KCNC2: variants seen among roughly 807,000 people sequenced by gnomAD.
The protein encoded by KCNC2 is voltage-gated potassium channel KCNC2.
KCNC2 carries 21 observed loss-of-function variants against 44.5 expected under a neutral mutation model. The observed-to-expected ratio is 0.47, with a 90% CI of 0.33 to 0.68. The LOEUF (loss-of-function observed/expected upper bound fraction) is 0.68, where lower values mean the gene tolerates loss of function less well. KCNC2 is among the 30% of genes least tolerant of loss of function. The probability of loss-of-function intolerance (pLI) is 0.01; values close to 1 mark genes in which losing one functional copy is unlikely to be tolerated. For synonymous variants in KCNC2, 391 were observed against 339.1 expected (o/e 1.15, Z -1.68); for missense variants, 589 against 826.2 (o/e 0.71, Z 3.52).
At chr12:75,150,395 T>G (rs928980998) in intron 2 of KCNC2, among the ~76,000 whole-genome samples, 1 of 151,836 alleles carries the variant, frequency 6.6e-6, no homozygotes, top group Non-Finnish European at 1.5e-5. Context: ...AGAACCATCA[T>G]CACCACCAGT....
At chr12:75,182,868 T>A (rs755448318) in intron 2 of KCNC2, among the ~76,000 whole-genome samples, 8 of 152,250 alleles carry the variant, frequency 5.3e-5, no homozygotes, top group Non-Finnish European at 1.0e-4. Context: ...AATTCTGCTA[T>A]TCCTAGAGCT....
chr12:75,104,537 T>C (rs924640165), intron 2 of KCNC2, among the ~76,000 whole-genome samples: 1 of 152,024 alleles, frequency 6.6e-6, no homozygotes, highest in African/African-American at 2.4e-5. Context: ...ACAATATTAA[T>C]GAGTATATTC....
intron 2 of KCNC2, among the ~76,000 whole-genome samples, chr12:75,067,335 C>T (rs1882932983): frequency 1.3e-5 from 2 of 152,124 alleles, no homozygotes; most frequent in Non-Finnish European, 2.9e-5. Context: ...GCAGTTCTTC[C>T]TAAAATTTTA....
intron 2 of KCNC2, among the ~76,000 whole-genome samples, chr12:75,199,079 G>A (rs528846941): frequency 2.6e-4 from 40 of 151,874 alleles, no homozygotes; most frequent in African/African-American, 8.4e-4. Flanking sequence ...GCAACCAAAA[G>A]TTGATTACTT....
At chr12:75,164,622 A>T (rs531649528) in intron 2 of KCNC2, among the ~76,000 whole-genome samples, 25 of 151,786 alleles carry the variant, frequency 1.6e-4, no homozygotes, top group Non-Finnish European at 3.1e-4. Flanking sequence ...TAACAAACAC[A>T]TTGAGCATCT....
intron 2 of KCNC2, among the ~76,000 whole-genome samples, chr12:75,106,284 T>G (rs997614205): frequency 1.3e-5 from 2 of 152,140 alleles, no homozygotes; most frequent in Admixed American, 6.5e-5. Context: ...CAAGTAAGAC[T>G]TGGAGGACAG....
chr12:75,130,119 C>T (rs1888723997), intron 2 of KCNC2, among the ~76,000 whole-genome samples: 2 of 151,872 alleles, frequency 1.3e-5, no homozygotes, highest in African/African-American at 4.8e-5. Context: ...TCCTGTACCC[C>T]AATCTAAAAA....
chr12:75,119,257 A>G (rs76910381), intron 2 of KCNC2, among the ~76,000 whole-genome samples: 2,451 of 152,270 alleles, frequency 0.016, 72 homozygotes, highest in African/African-American at 0.055. Context: ...ATATAACAAA[A>G]ACAGCATGCA....
intron 2 of KCNC2, among the ~76,000 whole-genome samples, chr12:75,182,734 G>A (rs1422046497): frequency 2.0e-5 from 3 of 152,080 alleles, no homozygotes; most frequent in African/African-American, 7.2e-5. Flanking sequence ...GTTTGGGGCC[G>A]CACCCCATAA....
rs1339740171 is a variant in KCNC2 at position 75,061,610 on chromosome 12, C to CACACAT, written c.688-10294_688-10293insATGTGT. The stretch of plus-strand genomic sequence containing the variant: ...ACACACACACACACACACACACACA[C>CACACAT]ACAAAACACAGAAATTACTGCATCA... On this transcript the variant is annotated intron_variant, in intron 2 of 4. Transcript: ENST00000549446. Among the ~76,000 whole-genome samples the CACACAT allele has an allele frequency of 7.8e-4, 106 of 136,604 alleles. 1 individual carries two copies. The highest frequency in any genetic ancestry group is 2.1e-3 in the African/African-American group (85 of 40,502). The allele number at this position is 136,604 out of a possible 152,430, so 89.6% of individuals were successfully genotyped here.
intron 2 of KCNC2, among the ~76,000 whole-genome samples, chr12:75,101,354 T>A (rs993964114): frequency 6.6e-6 from 1 of 152,032 alleles, no homozygotes; most frequent in African/African-American, 2.4e-5. Context: ...CTAGGGCAAT[T>A]TCATGGGTTG....
Position 75,088,657 on chromosome 12 carries a change from GGCCTCTTCCCT to G in KCNC2, c.688-37351_688-37341del, listed in dbSNP as rs138138136. ...TGGTCACCCTTTAAGTACATTGGAA[GGCCTCTTCCCT>G]GCCTCTTCCCTGCCTGAAGATTTGT... is the stretch of plus-strand genomic sequence containing the variant. On this transcript the variant is annotated intron_variant, in intron 2 of 4. Coordinates refer to ENST00000549446, the MANE Select transcript of KCNC2 (RefSeq NM_139137.4). Among the ~76,000 whole-genome samples, 651 of 151,388 alleles carry G rather than the reference GGCCTCTTCCCT, an allele frequency of 4.3e-3. 9 individuals are homozygous for G. The highest frequency in any genetic ancestry group is 0.015 in the African/African-American group (603 of 41,146).
intron 2 of KCNC2, among the ~76,000 whole-genome samples, chr12:75,116,156 G>T (rs1271747004): frequency 6.6e-6 from 1 of 152,104 alleles, no homozygotes; most frequent in Admixed American, 6.5e-5. Context: ...CCTTTACAAA[G>T]GGAGCACAAA....
chr12:75,074,552 A>C (rs1347073032), intron 2 of KCNC2, among the ~76,000 whole-genome samples: 2 of 152,184 alleles, frequency 1.3e-5, no homozygotes, highest in Non-Finnish European at 2.9e-5. Context: ...AGCCTCACTT[A>C]GACATTTAGT....
In KCNC2 at chr12:75,147,824, T is replaced by C. The variant is rs186443984; in HGVS notation, c.687+59473A>G. Among the ~76,000 whole-genome samples the C allele has an allele frequency of 3.9e-3, 587 of 152,238 alleles. 3 individuals are homozygous for C. The highest frequency in any genetic ancestry group is 6.5e-3 in the Non-Finnish European group (444 of 68,006). Reference sequence around the variant, plus strand: ...ACCAAAGTAACCTAGTTTTCAGATATCTAAGGTACACAACAGTTAGTGATC... The same window carrying C: ...ACCAAAGTAACCTAGTTTTCAGATACCTAAGGTACACAACAGTTAGTGATC... On this transcript the variant is annotated intron_variant, in intron 2 of 4. Coordinates refer to ENST00000549446, the MANE Select transcript of KCNC2 (RefSeq NM_139137.4).
chr12:75,091,893 T>G (rs1368137154), intron 2 of KCNC2, among the ~76,000 whole-genome samples: 1 of 151,742 alleles, frequency 6.6e-6, no homozygotes, highest in Non-Finnish European at 1.5e-5. Flanking sequence ...TTATAAGATC[T>G]AAACTATTTT....
At chr12:75,111,833 A>G (rs2137240250) in intron 2 of KCNC2, among the ~76,000 whole-genome samples, 1 of 152,284 alleles carries the variant, frequency 6.6e-6, no homozygotes, top group African/African-American at 2.4e-5. Context: ...TACAGCACAT[A>G]TAAACAGCTA....
At chr12:75,188,249 C>T (rs570963180) in intron 2 of KCNC2, among the ~76,000 whole-genome samples, 5 of 152,266 alleles carry the variant, frequency 3.3e-5, no homozygotes, top group African/African-American at 9.6e-5. Context: ...AGTAGACTCT[C>T]TACAGCACCA....
At chr12:75,145,286 A>G (rs938453893) in intron 2 of KCNC2, among the ~76,000 whole-genome samples, 1 of 152,068 alleles carries the variant, frequency 6.6e-6, no homozygotes, top group African/African-American at 2.4e-5. Context: ...ACACTTCCCC[A>G]TGTTCTCTTT....
Sources: allele counts gnomAD v4.1 joint callset (sites outside exome capture counted in the v4.1 genomes callset), GRCh38; gene constraint gnomAD v4.1.1; transcripts MANE v1.5; gene names NCBI Gene and HGNC (gene_info 2026-07-23, HGNC 2026-07-21).